Variants in SH2D3C observed in about 807,000 individuals in gnomAD.
SH2D3C encodes SH2 domain-containing protein 3C.
SH2D3C carries 25 observed loss-of-function variants against 75.2 expected under a neutral mutation model. The observed-to-expected ratio is 0.33, with a 90% CI of 0.24 to 0.46. SH2D3C has a LOEUF of 0.46. SH2D3C is among the 20% of genes least tolerant of loss of function. The pLI is 1.00. For missense variants in SH2D3C, 933 were observed against 1,165.3 expected (o/e 0.80, Z 2.90); for synonymous variants, 450 against 473.7 (o/e 0.95, Z 0.65).
In SH2D3C at chr9:127,739,619, C is replaced by T; in HGVS notation, c.2407+63G>A. On this transcript the variant is annotated intron_variant, in intron 11 of 11. Transcript: ENST00000314830. The surrounding 1 kb of genome is among the most constrained non-coding windows in gnomAD (Gnocchi z 4.3). The stretch of plus-strand genomic sequence containing the variant: ...ATGGATGCCTTGGAGAAAAGGGAAG[C>T]AGTGAGGCAGGTGGAGGGAGGCCCA... The T allele has an allele frequency of 6.9e-7, 1 of 1,441,992 alleles. No individual in the cohort carries two copies. The highest frequency in any genetic ancestry group is 1.3e-5 in the South Asian group (1 of 78,902). 89.3% of individuals were successfully genotyped at this position (1,441,992 alleles called of 1,614,324 possible). A position where few individuals can be genotyped will look rare whatever the true frequency, so the allele number is the denominator to read the frequency against.
At chr9:127,757,123 T>TA (rs1564419398) in intron 3 of SH2D3C, among the ~76,000 whole-genome samples, 2 of 144,346 alleles carry the variant, frequency 1.4e-5, no homozygotes, top group Non-Finnish European at 3.0e-5. Context: ...TTTTTTTTTT[T>TA]ATAGAGATGG....
At chr9:127,758,371 A>C (rs1284200130) in intron 3 of SH2D3C, among the ~76,000 whole-genome samples, 1 of 147,556 alleles carries the variant, frequency 6.8e-6, no homozygotes, top group African/African-American at 2.7e-5. Context: ...TTTATTTTAC[A>C]ATGTTAAAAA....
rs1200658622 is a variant in SH2D3C at position 127,739,850 on chromosome 9, G to C, written c.2239C>G (p.Leu747Val). 4.5e-6 allele frequency: 7 copies of C among 1,565,072 alleles called. No homozygotes were observed. The highest frequency in any genetic ancestry group is 5.2e-6 in the Non-Finnish European group (6 of 1,152,618). Residue 747 changes from leucine (L) to valine (V), a missense_variant, in exon 11 of 12, where the codon CTG (leucine) becomes GTG (valine). Coordinates refer to ENST00000314830, the MANE Select transcript of SH2D3C (RefSeq NM_170600.3). The surrounding 1 kb of genome is among the most constrained non-coding windows in gnomAD (Gnocchi z 4.3). ...PLSNTTFPHV[L>V]PLITLLECDS... ...CACTCCAGCAGGGTGATGAGGGGCA[G>C]CACATGAGGAAACGTGGTGTTGCTC... is the stretch of plus-strand genomic sequence containing the variant.
intron 6 of SH2D3C, among the ~76,000 whole-genome samples, chr9:127,745,722 C>T (rs1845012392): frequency 6.6e-6 from 1 of 152,000 alleles, no homozygotes; most frequent in Non-Finnish European, 1.5e-5. Context: ...CCCCGCCTCC[C>T]AGGTTCAAGC....
At chr9:127,743,155 C>A (rs1179481483) in intron 7 of SH2D3C, among the ~76,000 whole-genome samples, 191 bp from the exon 8 acceptor site, 5 of 152,192 alleles carry the variant, frequency 3.3e-5, no homozygotes, top group Non-Finnish European at 7.3e-5. Context: ...GTTTCCCCAT[C>A]TGTGAAGTAG....
intron 2 of SH2D3C, among the ~76,000 whole-genome samples, chr9:127,768,698 A>T (rs1431224582): frequency 6.6e-6 from 1 of 152,140 alleles, no homozygotes; most frequent in Non-Finnish European, 1.5e-5. Context: ...TTTTGCTCAG[A>T]GCCAAAGCCA....
chr9:127,761,042 T>C (rs959709407), intron 3 of SH2D3C, among the ~76,000 whole-genome samples: 1 of 152,120 alleles, frequency 6.6e-6, no homozygotes, highest in African/African-American at 2.4e-5. Flanking sequence ...GGTTTCACCA[T>C]GTTGGCCAGA....
In SH2D3C at chr9:127,747,241, G is replaced by C. The variant is rs769273736; in HGVS notation, c.1170C>G (p.Ile390Met). The C allele has an allele frequency of 8.1e-6, 13 of 1,613,640 alleles. No individual in the cohort carries two copies. In the South Asian group the frequency reaches 1.4e-4, roughly 18 times the overall value. Residue 390 changes from isoleucine to methionine, a missense_variant, in exon 6 of 12, where the codon ATC becomes ATG. Transcript: ENST00000314830. ...GGTCCATGCTGAGGGCACAGCTGCG[G>C]ATGGAGTCCCGAGGGCGGGGCAGCG... Reference protein sequence around the residue: ...STSLPRPRDSIRSCALSMDQI... With the variant: ...STSLPRPRDSMRSCALSMDQI...
At chr9:127,755,863 T>C (rs1336457607) in intron 3 of SH2D3C, among the ~76,000 whole-genome samples, 1 of 152,208 alleles carries the variant, frequency 6.6e-6, no homozygotes, top group Non-Finnish European at 1.5e-5. Flanking sequence ...TTGTGGAAAA[T>C]GCACCTGTCA....
intron 2 of SH2D3C, among the ~76,000 whole-genome samples, chr9:127,772,184 C>T (rs1564425898): frequency 1.4e-5 from 2 of 146,838 alleles, no homozygotes; most frequent in African/African-American, 5.0e-5. Context: ...CAGAAAAAAA[C>T]AAAAGAAAGA....
At chr9:127,757,620 TGATG>T (rs1845419274) in intron 3 of SH2D3C, among the ~76,000 whole-genome samples, 1 of 120,178 alleles carries the variant, frequency 8.3e-6, no homozygotes, top group East Asian at 2.3e-4. Flanking sequence ...ATGATGATGA[TGATG>T]ATGATGATGA....
chr9:127,774,600 ATTG>A lies in SH2D3C; in HGVS notation c.38-136_38-134del. On this transcript the variant is annotated intron_variant, in intron 1 of 11. Transcript: ENST00000314830. The surrounding 1 kb of genome is among the most constrained non-coding windows in gnomAD (Gnocchi z 4.3). ...CGGTTTCCCAGACACCCCTTCTAAA[ATTG>A]TTAACACGCCCCTAGAAATGGTATA... 1 of 613,454 alleles carries A rather than the reference ATTG, an allele frequency of 1.6e-6. No individual in the cohort carries two copies. Among genetic ancestry groups the A allele is most frequent in the Non-Finnish European group, 2.9e-6 (1 of 344,140 alleles). The allele number at this position is 613,454 out of a possible 1,614,324, so 38.0% of individuals were successfully genotyped here.
intron 2 of SH2D3C, among the ~76,000 whole-genome samples, chr9:127,768,808 C>T (rs865911243): frequency 4.0e-5 from 6 of 151,812 alleles, no homozygotes; most frequent in South Asian, 2.1e-4. Flanking sequence ...TGCTCTGCCC[C>T]GGCCACAGTG....
chr9:127,755,921 C>T (rs1052746181), intron 3 of SH2D3C, among the ~76,000 whole-genome samples: 3 of 152,256 alleles, frequency 2.0e-5, no homozygotes, highest in African/African-American at 4.8e-5. Context: ...TCTGAGCTTT[C>T]GCTGAGCTGG....
intron 3 of SH2D3C, among the ~76,000 whole-genome samples, chr9:127,761,255 C>T (rs1845517614): frequency 6.6e-6 from 1 of 152,230 alleles, no homozygotes; most frequent in Admixed American, 6.5e-5. Flanking sequence ...TCCCTGCTTC[C>T]AGCGCCAGCA....
At position 127,744,681 on chromosome 9, in the gene SH2D3C, T is replaced by C. The variant is rs767666271; in HGVS notation, c.1683A>G (p.Leu561=). Residue 561 remains leucine, a synonymous_variant, in exon 7 of 12, where the codon CTA becomes CTG. Transcript: ENST00000314830. ...GTGGCCGGTTATCCCTGGGGATCAGTAGTGACTGGAAGGTGGCCGGGTTGA... is the reference window on the plus strand; with the variant it reads ...GTGGCCGGTTATCCCTGGGGATCAGCAGTGACTGGAAGGTGGCCGGGTTGA... ...SSFNPATFQS[L]LIPRDNRPLE... The C allele has an allele frequency of 1.9e-6, 3 of 1,614,178 alleles. No individual in the cohort carries two copies. Among genetic ancestry groups the C allele is most frequent in the Admixed American group, 1.7e-5 (1 of 60,020 alleles).
At chr9:127,767,343 GC>G in intron 2 of SH2D3C, 1 of 1,428,168 alleles carries the variant, frequency 7.0e-7, no homozygotes, top group East Asian at 2.5e-5. Context: ...GGATCTCGAA[GC>G]CCCATTTTAC....
At chr9:127,756,847 T>C (rs1845395586) in intron 3 of SH2D3C, among the ~76,000 whole-genome samples, 1 of 151,868 alleles carries the variant, frequency 6.6e-6, no homozygotes, top group African/African-American at 2.4e-5. Context: ...GGTTTCACCG[T>C]GGTCTCGATC....
In SH2D3C at chr9:127,739,250, C is replaced by T. The variant is rs1844775570; in HGVS notation, c.2408-329G>A. On this transcript the variant is annotated intron_variant, in intron 11 of 11. Transcript: ENST00000314830. The surrounding 1 kb of genome is among the most constrained non-coding windows in gnomAD (Gnocchi z 4.3). The stretch of plus-strand genomic sequence containing the variant: ...TTAGGCTGGGTGCGGTGGCTCACAC[C>T]TGTAATCCCAGCACTTTGGGAGGCC... Among the ~76,000 whole-genome samples the T allele has an allele frequency of 6.6e-6, 1 of 152,060 alleles. No individual in the cohort carries two copies. Among genetic ancestry groups the T allele is most frequent in the Admixed American group, 6.6e-5 (1 of 15,266 alleles).
Sources: allele counts gnomAD v4.1 joint callset (sites outside exome capture counted in the v4.1 genomes callset), GRCh38; gene constraint gnomAD v4.1.1; non-coding constraint Gnocchi (gnomAD v3.1); transcripts MANE v1.5; gene names NCBI Gene and HGNC (gene_info 2026-07-23, HGNC 2026-07-21).